Variants in SRPK1 observed in about 807,000 individuals in gnomAD.
The protein encoded by SRPK1 is SRSF protein kinase 1.
A neutral mutation model predicts 89.5 loss-of-function variants in SRPK1; 52 were observed. The ratio of observed to expected loss-of-function variants is 0.58; its 90% CI spans 0.46 to 0.73. The LOEUF is 0.73. Ranked by LOEUF, SRPK1 falls within the 30% of genes least tolerant of loss-of-function variation. The pLI is 0.00. For missense variants in SRPK1, 603 were observed against 780.6 expected, an observed-to-expected ratio of 0.77 and a Z score of 2.71; for synonymous variants, 255 against 270.2, an observed-to-expected ratio of 0.94 and a Z score of 0.55.
chr6:35,866,307 C>T (rs947063315), intron 12 of SRPK1, among the ~76,000 whole-genome samples: 48 of 152,200 alleles, frequency 3.2e-4, no homozygotes, highest in Admixed American at 2.8e-3. Context: ...TATGAATGGC[C>T]GGGCGCGGTG....
chr6:35,893,330 CA>C (rs1457372412), intron 2 of SRPK1, among the ~76,000 whole-genome samples: 1 of 151,956 alleles, frequency 6.6e-6, no homozygotes, highest in East Asian at 1.9e-4. Context: ...AAGAAAAACG[CA>C]AAAATTAACT....
chr6:35,879,218 T>C (rs775486657), intron 6 of SRPK1, among the ~76,000 whole-genome samples: 1 of 152,002 alleles, frequency 6.6e-6, no homozygotes, highest in Non-Finnish European at 1.5e-5. Context: ...GGCTGATCCT[T>C]GGAAGAGAAA....
At chr6:35,857,480 G>T in intron 12 of SRPK1, 112 bp from the exon 13 acceptor site, 1 of 834,236 alleles carries the variant, frequency 1.2e-6, no homozygotes, top group Non-Finnish European at 1.9e-6. Flanking sequence ...CCAAACCAAA[G>T]TTCTCACTTT....
chr6:35,920,216 C>T, intron 2 of SRPK1: 1 of 592,514 alleles, frequency 1.7e-6, no homozygotes, highest in Non-Finnish European at 3.2e-6. Context: ...AGGAAAGGTA[C>T]CGGGCGGGCT....
At chr6:35,895,003 A>T (rs902356936) in intron 2 of SRPK1, among the ~76,000 whole-genome samples, 12 of 152,190 alleles carry the variant, frequency 7.9e-5, no homozygotes, top group African/African-American at 2.9e-4. Flanking sequence ...TCTGACCTAG[A>T]GCCAGAGACC....
intron 2 of SRPK1, among the ~76,000 whole-genome samples, 179 bp from the exon 3 acceptor site, chr6:35,891,192 A>G (rs907307985): frequency 2.6e-5 from 4 of 152,246 alleles, no homozygotes; most frequent in African/African-American, 9.6e-5. Context: ...TACTTTTTAA[A>G]AACTTCAGTA....
intron 4 of SRPK1, 22 bp downstream of exon 4, chr6:35,888,793 T>TTTTC (rs1770459850): frequency 6.8e-7 from 1 of 1,481,090 alleles, no homozygotes; most frequent in Non-Finnish European, 9.4e-7. Flanking sequence ...ACTAATTCTT[T>TTTTC]TACAGAACCA....
At position 35,874,214 on chromosome 6, in the gene SRPK1, G is replaced by A; in HGVS notation, c.585+19C>T. 1 of 1,533,922 alleles carries A rather than the reference G, an allele frequency of 6.5e-7. No individual in the cohort carries two copies. The highest frequency in any genetic ancestry group is 9.0e-7 in the Non-Finnish European group (1 of 1,112,862). On this transcript the variant is annotated intron_variant, in intron 7 of 15. Coordinates refer to ENST00000373825, the MANE Select transcript of SRPK1 (RefSeq NM_003137.5). The stretch of plus-strand genomic sequence containing the variant: ...CTACATAGTCAAGACTAAGATACTT[G>A]CTGATTCAAGATACATACTTGCTGA...
intron 8 of SRPK1, among the ~76,000 whole-genome samples, chr6:35,871,690 A>G (rs1199704084): frequency 6.6e-6 from 1 of 152,184 alleles, no homozygotes; most frequent in Non-Finnish European, 1.5e-5. Context: ...CACTACTAAA[A>G]CTAAAATCTG....
At position 35,858,232 on chromosome 6, in the gene SRPK1, G is replaced by C. The variant is rs187615239; in HGVS notation, c.1513-864C>G. On this transcript the variant is annotated intron_variant, in intron 12 of 15. Coordinates refer to ENST00000373825, the MANE Select transcript of SRPK1 (RefSeq NM_003137.5). ...CTATTTTCAACTGTATCCCAACCCT[G>C]CCACCACACCTACACCAGATTTTGA... 5.3e-5 allele frequency among the ~76,000 whole-genome samples: 8 copies of C among 151,706 alleles called. No individual in the cohort carries two copies. In the East Asian group the frequency reaches 1.6e-3, roughly 29 times the overall value.
At chr6:35,838,937 G>C (rs192757340) in intron 14 of SRPK1, 3 of 904,586 alleles carry the variant, frequency 3.3e-6, no homozygotes, top group Middle Eastern at 3.0e-4. Context: ...TGACTGGGAA[G>C]GCCAAGAATT....
At chr6:35,891,146 A>G in intron 2 of SRPK1, 133 bp from the exon 3 acceptor site, 1 of 1,035,228 alleles carries the variant, frequency 9.7e-7, no homozygotes, top group Non-Finnish European at 1.3e-6. Flanking sequence ...CAGCCTAGGA[A>G]AATATTAGCT....
chr6:35,858,721 C>G (rs901651789), intron 12 of SRPK1, among the ~76,000 whole-genome samples: 2 of 151,982 alleles, frequency 1.3e-5, no homozygotes, highest in African/African-American at 4.8e-5. Context: ...TGCATGTACT[C>G]TACAAAAAAG....
intron 2 of SRPK1, among the ~76,000 whole-genome samples, chr6:35,896,657 T>C (rs1299467962): frequency 6.6e-6 from 1 of 152,218 alleles, no homozygotes; most frequent in Non-Finnish European, 1.5e-5. Context: ...AATGCATAGT[T>C]GTATGATTTT....
rs147294355 is a variant in SRPK1, at chr6:35,878,494, G to A, written c.479-4155C>T. On this transcript the variant is annotated intron_variant, in intron 6 of 15. Coordinates refer to ENST00000373825, the MANE Select transcript of SRPK1 (RefSeq NM_003137.5). Reference sequence around the variant, plus strand: ...GTCTACTGAGGGCTCACAACTTCCCGAAGAAGAGGCTTGGATAATAATTAT... The same window carrying A: ...GTCTACTGAGGGCTCACAACTTCCCAAAGAAGAGGCTTGGATAATAATTAT... Among the ~76,000 whole-genome samples, 10 of 152,216 alleles carry A rather than the reference G, an allele frequency of 6.6e-5. No individual in the cohort carries two copies. The East Asian group carries it at 1.4e-3, about 21-fold the overall frequency.
intron 9 of SRPK1, 85 bp from the exon 10 acceptor site, chr6:35,870,579 T>A: frequency 2.4e-6 from 3 of 1,232,700 alleles, no homozygotes; most frequent in Non-Finnish European, 3.3e-6. Flanking sequence ...TTTAATTACT[T>A]CCTAATTAAA....
intron 2 of SRPK1, among the ~76,000 whole-genome samples, chr6:35,894,564 C>T (rs535815094): frequency 2.0e-5 from 3 of 152,102 alleles, no homozygotes; most frequent in East Asian, 1.9e-4. Context: ...GGAGATTGAA[C>T]GGAAGCTCTA....
chr6:35,876,362 C>A (rs1471413522), intron 6 of SRPK1, among the ~76,000 whole-genome samples: 1 of 152,132 alleles, frequency 6.6e-6, no homozygotes, highest in Non-Finnish European at 1.5e-5. Flanking sequence ...ACAGGTCGGG[C>A]ATGGTGGCTC....
rs570033952 is a variant in SRPK1 at position 35,863,620 on chromosome 6, TGGGGAGGGGGAGGTGGAG to T, written c.1512+5372_1512+5389del. Among the ~76,000 whole-genome samples, 30 of 84,586 alleles carry T rather than the reference TGGGGAGGGGGAGGTGGAG, an allele frequency of 3.5e-4. No homozygotes were observed. In the East Asian group the frequency reaches 0.011, roughly 30 times the overall value. 55.5% of individuals were successfully genotyped at this position (84,586 alleles called of 152,430 possible). A position where few individuals can be genotyped will look rare whatever the true frequency, so the allele number is the denominator to read the frequency against. The stretch of plus-strand genomic sequence containing the variant: ...GCCCACTGATCCCCAGGCAAATACA[TGGGGAGGGGGAGGTGGAG>T]GGGGAGGGGAGACTTTCCCACACAA... On this transcript the variant is annotated intron_variant, in intron 12 of 15. Transcript: ENST00000373825.
Sources: gnomAD v4.1 joint callset for allele counts (sites outside exome capture counted in the v4.1 genomes callset) on GRCh38, gnomAD v4.1.1 for gene constraint, MANE v1.5 for transcripts, NCBI Gene and HGNC (gene_info 2026-07-23, HGNC 2026-07-21) for gene names.